Variants in ST6GALNAC3 observed in about 807,000 individuals in gnomAD.
ST6GALNAC3 encodes alpha-N-acetylgalactosaminide alpha-2,6-sialyltransferase 3.
A neutral mutation model predicts 32.7 loss-of-function variants in ST6GALNAC3; 25 were observed. That is an observed-to-expected ratio of 0.76 (90% CI 0.56 to 1.07). The LOEUF is 1.07. ST6GALNAC3 is among the 50% of genes least tolerant of loss of function. The pLI, the probability that ST6GALNAC3 is intolerant of heterozygous loss-of-function variation, is 0.00. For missense variants in ST6GALNAC3, 355 were observed against 382.4 expected (o/e 0.93, Z 0.60); for synonymous variants, 129 against 133.1 (o/e 0.97, Z 0.21).
At chr1:76,284,962 G>A (rs140223303) in intron 1 of ST6GALNAC3, among the ~76,000 whole-genome samples, 16 of 152,198 alleles carry the variant, frequency 1.1e-4, no homozygotes, top group African/African-American at 3.4e-4. Context: ...TTCTGGATAC[G>A]GAGATAGATG....
intron 1 of ST6GALNAC3, among the ~76,000 whole-genome samples, chr1:76,107,648 T>C (rs1464123161): frequency 1.3e-5 from 2 of 152,230 alleles, no homozygotes; most frequent in Non-Finnish European, 2.9e-5. Flanking sequence ...CTTTTTGCGA[T>C]TGAGCCCTCT....
At chr1:76,220,815 T>G (rs1655720570) in intron 1 of ST6GALNAC3, among the ~76,000 whole-genome samples, 1 of 152,182 alleles carries the variant, frequency 6.6e-6, no homozygotes, top group Admixed American at 6.5e-5. Context: ...TCAGAGATAT[T>G]TACATGGGCA....
chr1:76,436,820 C>T (rs1436581834), intron 3 of ST6GALNAC3, among the ~76,000 whole-genome samples: 1 of 152,138 alleles, frequency 6.6e-6, no homozygotes, highest in Non-Finnish European at 1.5e-5. Context: ...AACTTAGCTT[C>T]ATTTAGGATA....
At chr1:76,419,865 G>T (rs554727253) in intron 3 of ST6GALNAC3, among the ~76,000 whole-genome samples, 2 of 151,442 alleles carry the variant, frequency 1.3e-5, no homozygotes, top group South Asian at 2.1e-4. Flanking sequence ...ATTAGATATG[G>T]TATTACTGAC....
chr1:76,503,783 T>A (rs1661318769), intron 3 of ST6GALNAC3, among the ~76,000 whole-genome samples: 1 of 152,176 alleles, frequency 6.6e-6, no homozygotes, highest in East Asian at 1.9e-4. Context: ...CTGGAAAGTC[T>A]TTACAAACTC....
At chr1:76,626,203 T>C (rs1648957961) in intron 3 of ST6GALNAC3, among the ~76,000 whole-genome samples, 1 of 151,886 alleles carries the variant, frequency 6.6e-6, no homozygotes, top group Admixed American at 6.6e-5. Context: ...GAGCAAGTAC[T>C]GGCTGGAGGG....
chr1:76,212,611 G>A (rs1655232619), intron 1 of ST6GALNAC3, among the ~76,000 whole-genome samples: 1 of 152,092 alleles, frequency 6.6e-6, no homozygotes, highest in South Asian at 2.1e-4. Flanking sequence ...GGAAGCATCA[G>A]GGCTTATTTC....
At chr1:76,620,201 G>A (rs992384468) in intron 3 of ST6GALNAC3, among the ~76,000 whole-genome samples, 1 of 152,020 alleles carries the variant, frequency 6.6e-6, no homozygotes, top group Non-Finnish European at 1.5e-5. Flanking sequence ...ATTGAAAACT[G>A]GAGAGGACAT....
At chr1:76,468,228 T>G (rs1658777287) in intron 3 of ST6GALNAC3, among the ~76,000 whole-genome samples, 1 of 151,856 alleles carries the variant, frequency 6.6e-6, no homozygotes. Context: ...CTGAAAAAAT[T>G]AAAGCAGCAG....
chr1:76,209,095 G>A (rs960141032), intron 1 of ST6GALNAC3, among the ~76,000 whole-genome samples: 7 of 152,012 alleles, frequency 4.6e-5, no homozygotes, highest in East Asian at 1.9e-4. Flanking sequence ...TTGGTCCTGC[G>A]TATTTTCAAA....
chr1:76,196,974 G>T (rs566560014), intron 1 of ST6GALNAC3, among the ~76,000 whole-genome samples: 1 of 152,262 alleles, frequency 6.6e-6, no homozygotes, highest in African/African-American at 2.4e-5. Flanking sequence ...AATAAGCTGG[G>T]ACTGTAACTG....
At position 76,628,826 on chromosome 1, in the gene ST6GALNAC3, G is replaced by A; in HGVS notation, c.*20G>A. 1 of 1,608,014 alleles carries A rather than the reference G, an allele frequency of 6.2e-7. No homozygotes were observed. The highest frequency in any genetic ancestry group is 8.5e-7 in the Non-Finnish European group (1 of 1,177,454). On this transcript the variant is annotated 3_prime_UTR_variant, in exon 5 of 5. Coordinates refer to ENST00000328299, the MANE Select transcript of ST6GALNAC3 (RefSeq NM_152996.4). ...TCTTGATAATGGTTTTCCTGATCTTGCCGCATCACTTAATGTGATCCCCAT... is the reference window on the plus strand; with the variant it reads ...TCTTGATAATGGTTTTCCTGATCTTACCGCATCACTTAATGTGATCCCCAT...
intron 1 of ST6GALNAC3, among the ~76,000 whole-genome samples, chr1:76,101,175 C>T (rs1170654309): frequency 6.6e-6 from 1 of 152,164 alleles, no homozygotes; most frequent in African/African-American, 2.4e-5. Context: ...CTCCCTTCTA[C>T]CGTAACCCCT....
intron 1 of ST6GALNAC3, among the ~76,000 whole-genome samples, chr1:76,256,529 G>T (rs187755482): frequency 6.6e-6 from 1 of 152,020 alleles, no homozygotes; most frequent in East Asian, 1.9e-4. Flanking sequence ...AGTTTAAATT[G>T]TATCAACTGA....
intron 3 of ST6GALNAC3, among the ~76,000 whole-genome samples, chr1:76,598,972 TAA>T (rs1416317377): frequency 2.0e-5 from 3 of 152,204 alleles, no homozygotes; most frequent in African/African-American, 7.2e-5. Context: ...CGATGAAACT[TAA>T]GAGTATTGAA....
intron 1 of ST6GALNAC3, among the ~76,000 whole-genome samples, chr1:76,214,172 T>A (rs1182480115): frequency 1.3e-5 from 2 of 152,136 alleles, no homozygotes; most frequent in African/African-American, 4.8e-5. Context: ...AAATTTAAGT[T>A]TAAGTTAAAA....
chr1:76,305,697 A>T (rs537873526), intron 1 of ST6GALNAC3, among the ~76,000 whole-genome samples: 49 of 152,214 alleles, frequency 3.2e-4, no homozygotes, highest in East Asian at 9.7e-4. Context: ...TTTTTCTCTT[A>T]CTAGGAGAAT....
chr1:76,585,445 G>A (rs915130661), intron 3 of ST6GALNAC3, among the ~76,000 whole-genome samples: 1 of 151,554 alleles, frequency 6.6e-6, no homozygotes, highest in African/African-American at 2.4e-5. Flanking sequence ...TGAGGGTGGA[G>A]AAACATGTTA....
intron 2 of ST6GALNAC3, among the ~76,000 whole-genome samples, chr1:76,315,421 C>T (rs1162387487): frequency 1.3e-5 from 2 of 152,096 alleles, no homozygotes; most frequent in Admixed American, 6.6e-5. Context: ...ATCAAAGACC[C>T]TTTCATTTCT....
Sources: allele counts gnomAD v4.1 joint callset (sites outside exome capture counted in the v4.1 genomes callset), GRCh38; gene constraint gnomAD v4.1.1; transcripts MANE v1.5; gene names NCBI Gene and HGNC (gene_info 2026-07-23, HGNC 2026-07-21).